ZDHHC9: variants seen among roughly 807,000 people sequenced by gnomAD.
ZDHHC9 encodes the protein palmitoyltransferase ZDHHC9.
Under a neutral mutation model 26.6 loss-of-function variants are expected in ZDHHC9, and 3 were observed. The observed-to-expected ratio is 0.11, with a 90% CI of 0.05 to 0.29. The LOEUF (loss-of-function observed/expected upper bound fraction) is 0.29, where lower values mean the gene tolerates loss of function less well. Among genes scored for constraint, ZDHHC9 ranks in the 10% least tolerant of loss-of-function variants. The pLI is 1.00. For missense variants in ZDHHC9, 146 were observed against 296.4 expected, an observed-to-expected ratio of 0.49 and a Z score of 3.73; for synonymous variants, 111 against 109.4, an observed-to-expected ratio of 1.01 and a Z score of -0.09.
chrX:129,827,361 C>T (rs1233513650), intron 4 of ZDHHC9, among the ~76,000 whole-genome samples: 1 of 110,630 alleles, frequency 9.0e-6, no homozygotes, highest in Non-Finnish European at 1.9e-5. Flanking sequence ...CGTCAAAGAA[C>T]TAAAGGCTAG....
In ZDHHC9 at chrX:129,829,044, T is replaced by C. The variant is rs1928084332; in HGVS notation, c.265A>G (p.Ser89Gly). Residue 89 changes from serine to glycine, a missense_variant, in exon 4 of 11, where the codon AGT (serine) becomes GGT (glycine). This residue lies in a region of ZDHHC9 where 100 missense variants were observed against 250.0 expected (regional missense o/e 0.40). Transcript: ENST00000357166. The part of the protein sequence containing the change: ...SMATLLRTSF[S>G]DPGVIPRALP... The stretch of plus-strand genomic sequence containing the variant: ...GCCCGAGGAATCACTCCAGGGTCAC[T>C]GAAGCTGGTCCTCAACAGTGTAGCC... The C allele has an allele frequency of 8.3e-7, 1 of 1,209,967 alleles. No homozygotes were observed. Among genetic ancestry groups the C allele is most frequent in the Admixed American group, 2.2e-5 (1 of 45,718 alleles).
At position 129,815,032 on chromosome X, in the gene ZDHHC9, T is replaced by C. The variant is rs368314947; in HGVS notation, c.488-237A>G. Among the ~76,000 whole-genome samples the C allele has an allele frequency of 3.1e-4, 34 of 110,880 alleles. No homozygotes were observed. In the East Asian group the frequency reaches 9.0e-3, roughly 29 times the overall value. On this transcript the variant is annotated intron_variant, in intron 5 of 10. Coordinates refer to ENST00000357166, the MANE Select transcript of ZDHHC9 (RefSeq NM_016032.4). Reference sequence around the variant, plus strand: ...GATACTCTTTTCCCCACTTTACAGATGAAGAAACAAAGGCATGGAGAGGTT... The same window carrying C: ...GATACTCTTTTCCCCACTTTACAGACGAAGAAACAAAGGCATGGAGAGGTT...
intron 3 of ZDHHC9, among the ~76,000 whole-genome samples, chrX:129,840,363 G>A (rs1486381831): frequency 9.0e-6 from 1 of 111,573 alleles, no homozygotes; most frequent in Non-Finnish European, 1.9e-5. Flanking sequence ...CTTCCAAGAA[G>A]AAGCAGGACA....
chrX:129,811,133 C>T, intron 9 of ZDHHC9, 132 bp from the exon 10 acceptor site: 1 of 539,221 alleles, frequency 1.9e-6, no homozygotes, highest in Non-Finnish European at 3.2e-6. Flanking sequence ...ACAGCACATG[C>T]CTCTTATCTC....
intron 4 of ZDHHC9, among the ~76,000 whole-genome samples, chrX:129,825,118 C>T (rs1160897696): frequency 9.0e-6 from 1 of 111,275 alleles, no homozygotes; most frequent in Non-Finnish European, 1.9e-5. Flanking sequence ...GTCTGGCCAA[C>T]ATGGCAAAAC....
At chrX:129,833,169 G>A (rs1205157575) in intron 3 of ZDHHC9, among the ~76,000 whole-genome samples, 6 of 111,289 alleles carry the variant, frequency 5.4e-5, no homozygotes, top group African/African-American at 2.0e-4. Context: ...TTTTATAAAT[G>A]CAACCATGTC....
At position 129,804,510 on chromosome X, in the gene ZDHHC9, A is replaced by G. The variant is rs1927466069; in HGVS notation, c.*1860T>C. On this transcript the variant is annotated 3_prime_UTR_variant, in exon 11 of 11. Coordinates refer to ENST00000357166, the MANE Select transcript of ZDHHC9 (RefSeq NM_016032.4). ...TGGGAATTGATAGGGAGTCTTGATT[A>G]TACACCACCTAGAAAGAAATATATA... The G allele has an allele frequency of 9.0e-6, 1 of 111,656 alleles. No homozygotes were observed. The highest frequency in any genetic ancestry group is 3.8e-4 in the South Asian group (1 of 2,641). 9.2% of individuals were successfully genotyped at this position (111,656 alleles called of 1,213,427 possible). A position where few individuals can be genotyped will look rare whatever the true frequency, so the allele number is the denominator to read the frequency against.
At chrX:129,807,432 G>A (rs1171758882) in intron 10 of ZDHHC9, among the ~76,000 whole-genome samples, 3 of 93,426 alleles carry the variant, frequency 3.2e-5, no homozygotes, top group Admixed American at 1.2e-4. Context: ...CGGCCTGGGC[G>A]ACAGAGCGAG....
intron 5 of ZDHHC9, among the ~76,000 whole-genome samples, chrX:129,816,117 A>G (rs1424747578): frequency 1.8e-5 from 2 of 112,201 alleles, no homozygotes; most frequent in Non-Finnish European, 3.8e-5. Flanking sequence ...CTCAGGTTAG[A>G]ACTGCGTGCG....
At position 129,842,038 on chromosome X, in the gene ZDHHC9, C is replaced by A; in HGVS notation, c.-93G>T. On this transcript the variant is annotated 5_prime_UTR_variant, in exon 3 of 11. Coordinates refer to ENST00000357166, the MANE Select transcript of ZDHHC9 (RefSeq NM_016032.4). Reference sequence around the variant, plus strand: ...CTTTGAAATCACGTTGCCTGCTATTCCTGCCGCTGGGTCAAACATCATCAA... The same window carrying A: ...CTTTGAAATCACGTTGCCTGCTATTACTGCCGCTGGGTCAAACATCATCAA... 9.1e-7 allele frequency: 1 copy of A among 1,094,325 alleles called. No homozygotes were observed. The highest frequency in any genetic ancestry group is 1.3e-6 in the Non-Finnish European group (1 of 790,313). 90.2% of individuals were successfully genotyped at this position (1,094,325 alleles called of 1,213,427 possible). A position where few individuals can be genotyped will look rare whatever the true frequency, so the allele number is the denominator to read the frequency against.
rs778961856 is a variant in ZDHHC9, at chrX:129,806,467, T to G, written c.998A>C (p.Asn333Thr). The change falls in exon 11 of 11, where the codon AAC (asparagine) becomes ACC (threonine). Residue 333 changes from asparagine to threonine, a missense_variant. This residue lies in a region of ZDHHC9 where 46 missense variants were observed against 46.4 expected (regional missense o/e 0.99). Transcript: ENST00000357166. ...GCTGTCCTCCGGCATCTCATTTGAG[T>G]TCAGGTGTTCTGTGGGGGCCTGAGA... ...PQSPAPTEHL[N>T]SNEMPEDSST... 8.3e-7 allele frequency: 1 copy of G among 1,209,345 alleles called. No individual in the cohort carries two copies. Among genetic ancestry groups the G allele is most frequent in the East Asian group, 3.0e-5 (1 of 33,744 alleles).
At chrX:129,833,890 C>T (rs369357326) in intron 3 of ZDHHC9, among the ~76,000 whole-genome samples, 84 of 111,749 alleles carry the variant, frequency 7.5e-4, no homozygotes, top group African/African-American at 2.4e-3. Context: ...ACTCTTTGGT[C>T]ACACATGGGA....
At chrX:129,831,251 C>T (rs919146280) in intron 3 of ZDHHC9, among the ~76,000 whole-genome samples, 1 of 111,807 alleles carries the variant, frequency 8.9e-6, no homozygotes, top group Non-Finnish European at 1.9e-5. Context: ...AATTACCACA[C>T]TAACAGCAAA....
chrX:129,808,986 T>C (rs1927578125), intron 10 of ZDHHC9, among the ~76,000 whole-genome samples: 1 of 112,185 alleles, frequency 8.9e-6, no homozygotes, highest in Admixed American at 9.5e-5. Context: ...TCATTAGTCA[T>C]CAGGGAAATG....
chrX:129,827,630 C>T (rs1225972630), intron 4 of ZDHHC9, among the ~76,000 whole-genome samples: 1 of 110,362 alleles, frequency 9.1e-6, no homozygotes, highest in Admixed American at 9.7e-5. Context: ...CATGAAGCCA[C>T]CCTGGCTCCT....
intron 5 of ZDHHC9, among the ~76,000 whole-genome samples, chrX:129,821,273 C>T (rs1270150580): frequency 9.2e-6 from 1 of 109,275 alleles, no homozygotes; most frequent in African/African-American, 3.4e-5. Context: ...CCAGCAATCC[C>T]ATTACTGGGT....
intron 10 of ZDHHC9, among the ~76,000 whole-genome samples, chrX:129,808,513 AAAAG>A (rs1240733121): frequency 8.9e-6 from 1 of 112,088 alleles, no homozygotes; most frequent in Non-Finnish European, 1.9e-5. Flanking sequence ...AGCTACAGGC[AAAAG>A]AAAGAATGTG....
In ZDHHC9 at chrX:129,816,499, T is replaced by G. The variant is rs140818327; in HGVS notation, c.488-1704A>C. Among the ~76,000 whole-genome samples the G allele has an allele frequency of 1.6e-3, 181 of 110,783 alleles. 1 individual carries two copies. In the East Asian group the frequency reaches 0.044, roughly 27 times the overall value. On this transcript the variant is annotated intron_variant, in intron 5 of 10. Transcript: ENST00000357166. ...AAAACTGCATTGTTCAAGAGTCGAC[T>G]GCACATAAAACAAAAACAAAAAACA...
chrX:129,827,765 C>G (rs1476217599), intron 4 of ZDHHC9, among the ~76,000 whole-genome samples: 1 of 110,403 alleles, frequency 9.1e-6, no homozygotes, highest in African/African-American at 3.3e-5. Flanking sequence ...GGCACCACAG[C>G]TGCCCCCTTT....
Sources: allele counts gnomAD v4.1 joint callset (sites outside exome capture counted in the v4.1 genomes callset), GRCh38; gene constraint gnomAD v4.1.1; regional missense constraint gnomAD v4.1.1; transcripts MANE v1.5; gene names NCBI Gene and HGNC (gene_info 2026-07-23, HGNC 2026-07-21).